DCLK1: variants seen among roughly 807,000 people sequenced by gnomAD.
DCLK1 encodes doublecortin like kinase 1.
A neutral mutation model predicts 86.2 loss-of-function variants in DCLK1; 16 were observed. That is an observed-to-expected ratio of 0.19 (90% CI 0.13 to 0.28). DCLK1 has a LOEUF of 0.28. Among genes scored for constraint, DCLK1 ranks in the 10% least tolerant of loss-of-function variants. DCLK1 has a pLI of 1.00. For synonymous variants in DCLK1, 369 were observed against 370.5 expected (o/e 1.00, Z 0.05); for missense variants, 590 against 940.2 (o/e 0.63, Z 4.87).
At chr13:36,045,615 C>T (rs1203404940) in intron 3 of DCLK1, among the ~76,000 whole-genome samples, 3 of 151,660 alleles carry the variant, frequency 2.0e-5, no homozygotes, top group Non-Finnish European at 1.5e-5. Context: ...ACTTTAGGAG[C>T]CCAAGGCTGG....
chr13:36,043,836 A>G (rs1882780829), intron 3 of DCLK1, among the ~76,000 whole-genome samples: 1 of 152,192 alleles, frequency 6.6e-6, no homozygotes, highest in Non-Finnish European at 1.5e-5. Flanking sequence ...CACAATTTTT[A>G]TTTTACATGT....
chr13:36,131,567 C>T (rs1038571519), upstream of DCLK1, among the ~76,000 whole-genome samples: 1 of 152,156 alleles, frequency 6.6e-6, no homozygotes. Context: ...CCGCAGCAAC[C>T]TCGGTGCATC....
In DCLK1 at chr13:35,809,109, G is replaced by C; in HGVS notation, c.1689-14C>G. 5 of 1,607,038 alleles carry C rather than the reference G, an allele frequency of 3.1e-6. No homozygotes were observed. Among genetic ancestry groups the C allele is most frequent in the Non-Finnish European group, 4.3e-6 (5 of 1,175,098 alleles). ...TTGAGGCCGTATCTGGAAAAATAAG[G>C]GATGTTAGAGTTAGGAGGGTCAGGC... On this transcript the variant is annotated splice_polypyrimidine_tract_variant and intron_variant, in intron 12 of 16. Coordinates refer to ENST00000360631, the MANE Select transcript of DCLK1 (RefSeq NM_001330071.2).
chr13:35,944,821 G>A (rs529452386), intron 4 of DCLK1, among the ~76,000 whole-genome samples: 10 of 151,494 alleles, frequency 6.6e-5, no homozygotes, highest in African/African-American at 2.4e-4. Flanking sequence ...GGTGTCCTGG[G>A]GTGTGTGTGT....
chr13:35,982,051 T>A (rs1169406374), intron 3 of DCLK1, among the ~76,000 whole-genome samples: 2 of 152,324 alleles, frequency 1.3e-5, no homozygotes, highest in East Asian at 3.9e-4. Flanking sequence ...TGAAATTCTA[T>A]GAATTTTTGA....
intron 3 of DCLK1, among the ~76,000 whole-genome samples, chr13:36,055,463 T>A (rs1883267757): frequency 6.6e-6 from 1 of 152,204 alleles, no homozygotes; most frequent in African/African-American, 2.4e-5. Flanking sequence ...GGGAGTGAAC[T>A]CAGTGTCTAT....
intron 4 of DCLK1, among the ~76,000 whole-genome samples, chr13:35,917,213 A>C (rs1330855075): frequency 2.0e-5 from 3 of 152,234 alleles, no homozygotes; most frequent in Admixed American, 6.5e-5. Flanking sequence ...GTGTCACACG[A>C]AGCTCATATT....
chr13:36,084,821 C>T (rs778108137), intron 3 of DCLK1, among the ~76,000 whole-genome samples: 2 of 152,124 alleles, frequency 1.3e-5, no homozygotes, highest in African/African-American at 2.4e-5. Context: ...CCCATTTTAG[C>T]TTTTTAACTT....
chr13:35,907,562 T>G (rs1874755682), intron 4 of DCLK1, among the ~76,000 whole-genome samples: 1 of 152,200 alleles, frequency 6.6e-6, no homozygotes, highest in Non-Finnish European at 1.5e-5. Flanking sequence ...ATTCTGTGAT[T>G]CCCAAATAAA....
chr13:35,850,069 T>C, intron 6 of DCLK1: 2 of 983,342 alleles, frequency 2.0e-6, no homozygotes, highest in African/African-American at 1.7e-5. Context: ...GGCAAGTTCC[T>C]AAAGCCTAAC....
intron 4 of DCLK1, among the ~76,000 whole-genome samples, chr13:35,933,627 G>T (rs1876581481): frequency 6.6e-6 from 1 of 152,198 alleles, no homozygotes; most frequent in African/African-American, 2.4e-5. Flanking sequence ...CACAGCCTGA[G>T]CTCTACATTA....
intron 16 of DCLK1, among the ~76,000 whole-genome samples, chr13:35,783,738 C>A (rs2086571449): frequency 6.6e-6 from 1 of 152,084 alleles, no homozygotes; most frequent in Non-Finnish European, 1.5e-5. Flanking sequence ...GTGCCCACCA[C>A]CATGCCCAGC....
chr13:35,929,083 C>T (rs1593741480), intron 4 of DCLK1, among the ~76,000 whole-genome samples: 2 of 152,096 alleles, frequency 1.3e-5, no homozygotes, highest in East Asian at 3.9e-4. Flanking sequence ...GCGCCCACCA[C>T]CACGCCTGGC....
At chr13:36,054,126 G>T (rs546611948) in intron 3 of DCLK1, among the ~76,000 whole-genome samples, 54 of 152,256 alleles carry the variant, frequency 3.5e-4, no homozygotes, top group African/African-American at 1.3e-3. Context: ...TCAGGGTAAA[G>T]GGCATATTTG....
intron 3 of DCLK1, among the ~76,000 whole-genome samples, chr13:36,074,612 T>C (rs1884115790): frequency 6.9e-6 from 1 of 144,852 alleles, no homozygotes; most frequent in East Asian, 2.0e-4. Flanking sequence ...ACTGAAAAAA[T>C]AGAGTTGAGG....
intron 15 of DCLK1, among the ~76,000 whole-genome samples, chr13:35,794,610 C>T (rs1021711302): frequency 1.3e-5 from 2 of 152,180 alleles, no homozygotes; most frequent in African/African-American, 2.4e-5. Flanking sequence ...GGACCAGGTA[C>T]TACAGTACGT....
At chr13:35,861,065 A>G (rs1871352637) in intron 5 of DCLK1, among the ~76,000 whole-genome samples, 1 of 152,192 alleles carries the variant, frequency 6.6e-6, no homozygotes, top group South Asian at 2.1e-4. Flanking sequence ...ACAAGTTCAG[A>G]CTTTATTTGG....
At chr13:35,901,034 G>C (rs1014537724) in intron 4 of DCLK1, among the ~76,000 whole-genome samples, 2 of 152,000 alleles carry the variant, frequency 1.3e-5, no homozygotes, top group African/African-American at 4.8e-5. Flanking sequence ...AAAGAAACAA[G>C]AAATAAGGAA....
intron 3 of DCLK1, among the ~76,000 whole-genome samples, chr13:36,013,575 G>T (rs1366048823): frequency 6.6e-6 from 1 of 152,180 alleles, no homozygotes; most frequent in Non-Finnish European, 1.5e-5. Flanking sequence ...TGAGGAAGCA[G>T]TCTGCCCGTT....
Sources: gnomAD v4.1 joint callset for allele counts (sites outside exome capture counted in the v4.1 genomes callset) on GRCh38, gnomAD v4.1.1 for gene constraint, MANE v1.5 for transcripts, NCBI Gene and HGNC (gene_info 2026-07-23, HGNC 2026-07-21) for gene names.